ABCC9: variants seen among roughly 807,000 people sequenced by gnomAD.
ABCC9 encodes ATP binding cassette subfamily C member 9.
ABCC9 carries 95 observed loss-of-function variants against 188.3 expected under a neutral mutation model. The observed-to-expected ratio is 0.50, with a 90% CI of 0.43 to 0.60. ABCC9 has a LOEUF of 0.60. Ranked by LOEUF, ABCC9 falls within the 20% of genes least tolerant of loss-of-function variation. The pLI is 0.00. For missense variants in ABCC9, 1,102 were observed against 1,876.3 expected, an observed-to-expected ratio of 0.59 and a Z score of 7.62; for synonymous variants, 659 against 652.7, an observed-to-expected ratio of 1.01 and a Z score of -0.15.
intron 31 of ABCC9, chr12:21,827,175 T>C (rs1943431990): frequency 1.0e-6 from 1 of 985,360 alleles, no homozygotes; most frequent in Admixed American, 6.1e-5. Flanking sequence ...CTGCTGTTCC[T>C]TTCTAATTTT....
At chr12:21,873,004 T>G (rs1008931626) in intron 17 of ABCC9, among the ~76,000 whole-genome samples, 2 of 151,956 alleles carry the variant, frequency 1.3e-5, no homozygotes, top group East Asian at 3.9e-4. Flanking sequence ...TCGAGATTAG[T>G]TTTAACTTTA....
chr12:21,906,375 AC>A, intron 11 of ABCC9, 87 bp from the exon 12 acceptor site: 1 of 1,409,202 alleles, frequency 7.1e-7, no homozygotes, highest in Non-Finnish European at 9.6e-7. Flanking sequence ...GATTGAGGAG[AC>A]CTTGATTTCA....
Position 21,821,949 on chromosome 12 carries a change from C to G in ABCC9, c.3670-3698G>C, listed in dbSNP as rs73253088. ...ACTTGTATAATTTTCAATATGATCA[C>G]TAGATATTATTAGTTATTAGGCCAG... On this transcript the variant is annotated intron_variant, in intron 31 of 39. Coordinates refer to ENST00000261200, the MANE Select transcript of ABCC9 (RefSeq NM_020297.4). Among the ~76,000 whole-genome samples, 373 of 152,098 alleles carry G rather than the reference C, an allele frequency of 2.5e-3. 1 individual carries two copies. The highest frequency in any genetic ancestry group is 8.5e-3 in the African/African-American group (353 of 41,496).
At chr12:21,839,896 G>C (rs1944294097) in intron 29 of ABCC9, among the ~76,000 whole-genome samples, 1 of 152,204 alleles carries the variant, frequency 6.6e-6, no homozygotes, top group Non-Finnish European at 1.5e-5. Flanking sequence ...GAGAAAGATA[G>C]AAGGAAGTGG....
chr12:21,851,788 C>T (rs1055745348), intron 24 of ABCC9, among the ~76,000 whole-genome samples: 4 of 152,134 alleles, frequency 2.6e-5, no homozygotes, highest in African/African-American at 7.2e-5. Context: ...AATAAGGAAA[C>T]GCCATGCTTC....
rs1942582040 is a variant in ABCC9 at position 21,815,891 on chromosome 12, G to A, written c.3895C>T (p.Pro1299Ser). The A allele has an allele frequency of 6.2e-7, 1 of 1,612,682 alleles. No individual in the cohort carries two copies. Among genetic ancestry groups the A allele is most frequent in the African/African-American group, 1.3e-5 (1 of 74,818 alleles). Reference sequence around the variant, plus strand: ...GGCCAATGTTCTGGAACTTGAGAAGGATCTGGAGGATGGGATGGGGAAATA... The same window carrying A: ...GGCCAATGTTCTGGAACTTGAGAAGAATCTGGAGGATGGGATGGGGAAATA... ...ESENYEGTMD[P>S]SQVPEHWPQE... The change falls in exon 34 of 40, where the codon CCT becomes TCT. Residue 1299 changes from proline (P) to serine (S), a missense_variant and splice_region_variant. This residue lies in a region of ABCC9 where 143 missense variants were observed against 225.6 expected (regional missense o/e 0.63). Coordinates refer to ENST00000261200, the MANE Select transcript of ABCC9 (RefSeq NM_020297.4).
intron 25 of ABCC9, among the ~76,000 whole-genome samples, chr12:21,847,298 T>C (rs1374946432): frequency 6.6e-6 from 1 of 152,124 alleles, no homozygotes; most frequent in Non-Finnish European, 1.5e-5. Context: ...TGATGTCTGT[T>C]TACAGCACCA....
rs373890183 is a variant in ABCC9, at chr12:21,848,201, G to A, written c.2815C>T (p.Arg939Trp). 6.8e-6 allele frequency: 11 copies of A among 1,613,442 alleles called. No homozygotes were observed. The highest frequency in any genetic ancestry group is 4.0e-5 in the African/African-American group (3 of 74,872). Residue 939 changes from arginine (R) to tryptophan (W), a missense_variant, in exon 25 of 40, where the codon CGG becomes TGG. Transcript: ENST00000261200. Reference protein sequence around the residue: ...QTTLERKTLRRAMYSREAKAQ... With the variant: ...QTTLERKTLRWAMYSREAKAQ... ...TTGGCTTCTCTTGAATACATGGCCCGTCGGAGAGTTTTCCTCTCTAAAGTA... is the reference window on the plus strand; with the variant it reads ...TTGGCTTCTCTTGAATACATGGCCCATCGGAGAGTTTTCCTCTCTAAAGTA...
intron 22 of ABCC9, among the ~76,000 whole-genome samples, chr12:21,853,821 A>G (rs1415662682): frequency 6.6e-6 from 1 of 152,186 alleles, no homozygotes; most frequent in Middle Eastern, 3.2e-3. Flanking sequence ...AGGACCAGGG[A>G]TGGCAGGGAA....
In ABCC9 at chr12:21,815,818, T is replaced by G; in HGVS notation, c.3968A>C (p.Asn1323Thr). 1 of 1,613,132 alleles carries G rather than the reference T, an allele frequency of 6.2e-7. No individual in the cohort carries two copies. Among genetic ancestry groups the G allele is most frequent in the Non-Finnish European group, 8.5e-7 (1 of 1,179,390 alleles). The change falls in exon 34 of 40, where the codon AAT (asparagine) becomes ACT (threonine). Residue 1323 changes from asparagine (N) to threonine (T), a missense_variant. By Grantham distance (65) the Asn-to-Thr change is moderately conservative. This residue lies in a region of ABCC9 where 143 missense variants were observed against 225.6 expected (regional missense o/e 0.63). Transcript: ENST00000261200. ...KIHDLCVRYENNLKPVLKHVK... is the reference protein window; with the variant it reads ...KIHDLCVRYETNLKPVLKHVK... ...GTGCTTAAGAACAGGTTTCAGATTA[T>G]TTTCATATCTGACACACAGATCATG...
In ABCC9 at chr12:21,881,117, A is replaced by G. The variant is rs529050841; in HGVS notation, c.2019+1649T>C. On this transcript the variant is annotated intron_variant, in intron 16 of 39. Coordinates refer to ENST00000261200, the MANE Select transcript of ABCC9 (RefSeq NM_020297.4). Reference sequence around the variant, plus strand: ...TCTTAGGGAAGCAAGCATAGCAAGAATAATCAAGGAAATGATGACTATAAT... The same window carrying G: ...TCTTAGGGAAGCAAGCATAGCAAGAGTAATCAAGGAAATGATGACTATAAT... Among the ~76,000 whole-genome samples the G allele has an allele frequency of 2.0e-5, 3 of 152,248 alleles. No individual in the cohort carries two copies. In the South Asian group the frequency reaches 6.2e-4, roughly 32 times the overall value.
intron 31 of ABCC9, among the ~76,000 whole-genome samples, chr12:21,824,507 A>T (rs890320850): frequency 1.7e-4 from 26 of 152,318 alleles, no homozygotes; most frequent in African/African-American, 5.5e-4. Flanking sequence ...TGGCCTCATA[A>T]AATGAGTTAG....
In ABCC9 at chr12:21,799,731, T is replaced by C. The variant is rs1297079243; in HGVS notation, c.*1313A>G. ...TCTTAATTCATCAATTTTATATATCTTCACAATCTTACAATGCATGTGGAT... is the reference window on the plus strand; with the variant it reads ...TCTTAATTCATCAATTTTATATATCCTCACAATCTTACAATGCATGTGGAT... On this transcript the variant is annotated 3_prime_UTR_variant, in exon 40 of 40. Coordinates refer to ENST00000261200, the MANE Select transcript of ABCC9 (RefSeq NM_020297.4). The C allele has an allele frequency of 6.6e-6, 1 of 152,218 alleles. No homozygotes were observed. The highest frequency in any genetic ancestry group is 1.9e-4 in the East Asian group (1 of 5,204). The allele number at this position is 152,218 out of a possible 1,614,324, so 9.4% of individuals were successfully genotyped here. A position where few individuals can be genotyped will look rare whatever the true frequency, so the allele number is the denominator to read the frequency against.
At chr12:21,826,539 T>C (rs1943390813) in intron 31 of ABCC9, among the ~76,000 whole-genome samples, 1 of 152,206 alleles carries the variant, frequency 6.6e-6, no homozygotes, top group Non-Finnish European at 1.5e-5. Flanking sequence ...CTGTGGCATA[T>C]GTTCTTGGAT....
At chr12:21,929,053 C>T (rs1358188780) in intron 4 of ABCC9, among the ~76,000 whole-genome samples, 1 of 151,876 alleles carries the variant, frequency 6.6e-6, no homozygotes, top group African/African-American at 2.4e-5. Context: ...AAAATAAAAA[C>T]CTAATAAAAC....
intron 11 of ABCC9, among the ~76,000 whole-genome samples, chr12:21,906,530 G>C (rs1029141832): frequency 1.1e-4 from 17 of 151,954 alleles, no homozygotes; most frequent in African/African-American, 4.1e-4. Flanking sequence ...TGTTGCTTTG[G>C]TTTACATAAA....
chr12:21,923,405 A>G (rs187897262), intron 5 of ABCC9: 158 of 152,888 alleles, frequency 1.0e-3, no homozygotes, highest in African/African-American at 3.6e-3. Context: ...ATGACATACT[A>G]ATATCTAGTA....
chr12:21,829,532 C>T (rs1052511916), intron 30 of ABCC9, among the ~76,000 whole-genome samples: 1 of 152,146 alleles, frequency 6.6e-6, no homozygotes, highest in Non-Finnish European at 1.5e-5. Context: ...AAAATAAAGA[C>T]CAGCTACTAC....
chr12:21,939,805 A>C lies in ABCC9; in HGVS notation c.-21+905T>G, dbSNP rs570360216. Among the ~76,000 whole-genome samples, 47 of 152,374 alleles carry C rather than the reference A, an allele frequency of 3.1e-4. 1 individual carries two copies. Among genetic ancestry groups the C allele is most frequent in the Non-Finnish European group, 5.7e-4 (39 of 68,032 alleles). On this transcript the variant is annotated intron_variant, in intron 2 of 39. Coordinates refer to ENST00000261200, the MANE Select transcript of ABCC9 (RefSeq NM_020297.4). ...AAGATCAAAGTGAAATTTTGCTTCT[A>C]ACGTATGTCTATGGAGCAGAAAACA...
Sources: allele counts gnomAD v4.1 joint callset (sites outside exome capture counted in the v4.1 genomes callset), GRCh38; gene constraint gnomAD v4.1.1; regional missense constraint gnomAD v4.1.1; transcripts MANE v1.5; gene names NCBI Gene and HGNC (gene_info 2026-07-23, HGNC 2026-07-21).